Variants in SEZ6L observed in about 807,000 individuals in gnomAD.
The protein encoded by SEZ6L is seizure 6-like protein.
A neutral mutation model predicts 106.2 loss-of-function variants in SEZ6L; 37 were observed. The observed-to-expected ratio is 0.35, with a 90% CI of 0.27 to 0.46. The LOEUF (loss-of-function observed/expected upper bound fraction) is 0.46, where lower values mean the gene tolerates loss of function less well. Ranked by LOEUF, SEZ6L falls within the 20% of genes least tolerant of loss-of-function variation. SEZ6L has a pLI of 1.00. For synonymous variants in SEZ6L, 541 were observed against 570.4 expected (o/e 0.95, Z 0.73); for missense variants, 1,172 against 1,332.8 (o/e 0.88, Z 1.88).
chr22:26,356,208 T>C (rs1249190801), intron 12 of SEZ6L, among the ~76,000 whole-genome samples: 1 of 152,226 alleles, frequency 6.6e-6, no homozygotes, highest in Non-Finnish European at 1.5e-5. Context: ...ACCATTTCCA[T>C]TTATTAAATA....
intron 5 of SEZ6L, among the ~76,000 whole-genome samples, chr22:26,302,328 A>ATT (rs1332907198): frequency 6.6e-6 from 1 of 152,218 alleles, no homozygotes; most frequent in Non-Finnish European, 1.5e-5. Context: ...ACACCTGGAG[A>ATT]AGCACTGGTT....
intron 1 of SEZ6L, among the ~76,000 whole-genome samples, chr22:26,191,751 A>T (rs79055781): frequency 0.016 from 2,441 of 152,302 alleles, 25 homozygotes; most frequent in Non-Finnish European, 0.027. Flanking sequence ...CTTAAAATAA[A>T]AGTTGGAAAT....
chr22:26,240,092 TCA>T (rs1556193806), intron 1 of SEZ6L, among the ~76,000 whole-genome samples: 6,983 of 115,822 alleles, frequency 0.06, 191 homozygotes, highest in South Asian at 0.087. Flanking sequence ...ACACACACAC[TCA>T]CACACACACA....
At chr22:26,361,811 G>A (rs1324905500) in intron 12 of SEZ6L, among the ~76,000 whole-genome samples, 2 of 152,064 alleles carry the variant, frequency 1.3e-5, no homozygotes. Context: ...TCTGCAATTT[G>A]CCTTTAAATG....
chr22:26,379,070 A>G (rs1426428599), intron 16 of SEZ6L, among the ~76,000 whole-genome samples: 8 of 152,236 alleles, frequency 5.3e-5, no homozygotes, highest in Non-Finnish European at 8.8e-5. Flanking sequence ...CTGAGGCTCA[A>G]CCAGGGAAGG....
intron 9 of SEZ6L, among the ~76,000 whole-genome samples, chr22:26,334,737 C>A (rs1194673639): frequency 6.6e-6 from 1 of 152,194 alleles, no homozygotes; most frequent in East Asian, 1.9e-4. Context: ...GAGCTGAGAT[C>A]TTCTGCCAGG....
chr22:26,306,159 G>T lies in SEZ6L; in HGVS notation c.1514+15G>T, dbSNP rs756543706. On this transcript the variant is annotated intron_variant, in intron 6 of 16. Coordinates refer to ENST00000248933, the MANE Select transcript of SEZ6L (RefSeq NM_021115.5). ...GACAAGGACAGGTAAAGCTCTGAAG[G>T]TCCACACCCAACCCCGTTTCTTCCC... 1.9e-6 allele frequency: 3 copies of T among 1,610,754 alleles called. No individual in the cohort carries two copies. The South Asian group carries it at 3.3e-5, about 18-fold the overall frequency.
chr22:26,229,428 T>TA (rs898594578), intron 1 of SEZ6L, among the ~76,000 whole-genome samples: 4 of 152,032 alleles, frequency 2.6e-5, no homozygotes, highest in Non-Finnish European at 4.4e-5. Context: ...CCAGCTGTTT[T>TA]AAAAAAAATA....
At chr22:26,184,772 A>T (rs1298881943) in intron 1 of SEZ6L, among the ~76,000 whole-genome samples, 1 of 152,186 alleles carries the variant, frequency 6.6e-6, no homozygotes, top group Non-Finnish European at 1.5e-5. Context: ...AAGAAAAAAA[A>T]GTTTAGGCTT....
At chr22:26,211,238 T>C (rs1014377416) in intron 1 of SEZ6L, among the ~76,000 whole-genome samples, 5 of 152,354 alleles carry the variant, frequency 3.3e-5, no homozygotes, top group African/African-American at 1.2e-4. Flanking sequence ...AAGATTTCCC[T>C]TTTCTCTTTC....
chr22:26,261,236 A>C (rs950572302), intron 1 of SEZ6L, among the ~76,000 whole-genome samples: 4 of 152,124 alleles, frequency 2.6e-5, no homozygotes, highest in African/African-American at 9.7e-5. Context: ...TCTTTAGTTT[A>C]ATTAAGTCTC....
At chr22:26,344,894 C>T (rs1286124704) in intron 10 of SEZ6L, among the ~76,000 whole-genome samples, 2 of 152,180 alleles carry the variant, frequency 1.3e-5, no homozygotes, top group East Asian at 3.8e-4. Context: ...ACTGGAATCA[C>T]ACCATTTATT....
At chr22:26,266,526 TCG>T (rs2080189193) in intron 1 of SEZ6L, among the ~76,000 whole-genome samples, 1 of 151,176 alleles carries the variant, frequency 6.6e-6, no homozygotes, top group African/African-American at 2.4e-5. Context: ...TGAGCCGAGA[TCG>T]CACCACTGCA....
At chr22:26,326,547 G>A (rs4822702) in intron 9 of SEZ6L, among the ~76,000 whole-genome samples, 15,559 of 152,164 alleles carry the variant, frequency 0.1, 1,121 homozygotes, top group Admixed American at 0.24. Context: ...AGAGTCACAC[G>A]ATTTGTTCTC....
chr22:26,190,127 G>A (rs369577086), intron 1 of SEZ6L, among the ~76,000 whole-genome samples: 1 of 150,810 alleles, frequency 6.6e-6, no homozygotes, highest in Non-Finnish European at 1.5e-5. Flanking sequence ...AAAGAAAAAA[G>A]AAAAGAAAAG....
At chr22:26,279,401 G>A (rs573318398) in intron 1 of SEZ6L, among the ~76,000 whole-genome samples, 19 of 152,132 alleles carry the variant, frequency 1.2e-4, no homozygotes, top group Non-Finnish European at 2.6e-4. Flanking sequence ...TTCCTGTGCC[G>A]TGACATTGGA....
chr22:26,354,255 T>C (rs1291928244), intron 12 of SEZ6L, among the ~76,000 whole-genome samples: 5 of 152,226 alleles, frequency 3.3e-5, no homozygotes, highest in African/African-American at 1.2e-4. Context: ...TGGGTGTTGA[T>C]CCAATGACTG....
chr22:26,189,358 A>G (rs772831311), intron 1 of SEZ6L, among the ~76,000 whole-genome samples: 4 of 152,142 alleles, frequency 2.6e-5, no homozygotes, highest in Non-Finnish European at 4.4e-5. Flanking sequence ...TCTTTCCACA[A>G]TGCTACACTT....
At chr22:26,313,328 A>T (rs914993002) in intron 8 of SEZ6L, among the ~76,000 whole-genome samples, 4 of 152,128 alleles carry the variant, frequency 2.6e-5, no homozygotes, top group African/African-American at 9.7e-5. Flanking sequence ...GGCTCTGGGA[A>T]ATTACATACC....
Sources: gnomAD v4.1 joint callset for allele counts (sites outside exome capture counted in the v4.1 genomes callset) on GRCh38, gnomAD v4.1.1 for gene constraint, MANE v1.5 for transcripts, NCBI Gene and HGNC (gene_info 2026-07-23, HGNC 2026-07-21) for gene names.